ELMO1: variants seen among roughly 807,000 people sequenced by gnomAD.
The protein encoded by ELMO1 is engulfment and cell motility protein 1.
A neutral mutation model predicts 98.9 loss-of-function variants in ELMO1; 26 were observed. The observed-to-expected ratio is 0.26, with a 90% CI of 0.19 to 0.36. ELMO1 has a LOEUF of 0.36. Among genes scored for constraint, ELMO1 ranks in the 10% least tolerant of loss-of-function variants. ELMO1 has a pLI of 1.00. For missense variants in ELMO1, 627 were observed against 935.2 expected, an observed-to-expected ratio of 0.67 and a Z score of 4.30; for synonymous variants, 346 against 346.0, an observed-to-expected ratio of 1.00 and a Z score of 0.00.
rs868531344 is a variant in ELMO1 at position 36,918,431 on chromosome 7, G to T, written c.1438-23414C>A. On this transcript the variant is annotated intron_variant, in intron 16 of 21. Transcript: ENST00000310758. ...GAGTCTCAAGAGAATGAGGTAAGAA[G>T]AGTAGCACTCAGATATGAGTGTAGA... Among the ~76,000 whole-genome samples the T allele has an allele frequency of 2.6e-5, 4 of 152,166 alleles. No homozygotes were observed. In the East Asian group the frequency reaches 7.7e-4, roughly 29 times the overall value.
chr7:37,402,333 A>G (rs778378587), intron 1 of ELMO1, among the ~76,000 whole-genome samples: 2 of 152,210 alleles, frequency 1.3e-5, no homozygotes. Flanking sequence ...CCTGGCCTCT[A>G]TGCAGCTAGA....
chr7:37,324,289 G>A (rs570605632), intron 2 of ELMO1, among the ~76,000 whole-genome samples: 6 of 152,168 alleles, frequency 3.9e-5, no homozygotes, highest in Middle Eastern at 3.4e-3. Context: ...GACTGGCAGC[G>A]CCCCCAGCCA....
chr7:37,105,333 CA>C (rs1784885282), intron 14 of ELMO1, among the ~76,000 whole-genome samples: 1 of 152,174 alleles, frequency 6.6e-6, no homozygotes, highest in Non-Finnish European at 1.5e-5. Context: ...CAGGAGGTAT[CA>C]GGGGCAATCC....
At chr7:37,188,052 A>C (rs917363990) in intron 13 of ELMO1, among the ~76,000 whole-genome samples, 1 of 152,150 alleles carries the variant, frequency 6.6e-6, no homozygotes, top group South Asian at 2.1e-4. Context: ...GTGGGGGTGC[A>C]TTAAAATCTT....
chr7:37,086,636 G>A (rs1044840005), intron 15 of ELMO1, among the ~76,000 whole-genome samples: 4 of 150,960 alleles, frequency 2.6e-5, no homozygotes, highest in African/African-American at 7.3e-5. Flanking sequence ...CCAGGTACTC[G>A]GGAGGCTGAG....
At chr7:37,323,903 T>A (rs1799651412) in intron 2 of ELMO1, among the ~76,000 whole-genome samples, 1 of 152,174 alleles carries the variant, frequency 6.6e-6, no homozygotes, top group African/African-American at 2.4e-5. Context: ...ACTTCTTTCT[T>A]TCTTACTAAA....
At chr7:37,084,593 G>A (rs920501416) in intron 15 of ELMO1, among the ~76,000 whole-genome samples, 4 of 152,152 alleles carry the variant, frequency 2.6e-5, no homozygotes, top group Admixed American at 6.5e-5. Flanking sequence ...CATCACCTCA[G>A]TCTACTTAAC....
At chr7:37,360,945 C>T (rs201864570) in intron 1 of ELMO1, among the ~76,000 whole-genome samples, 1 of 152,064 alleles carries the variant, frequency 6.6e-6, no homozygotes, top group African/African-American at 2.4e-5. Context: ...ATATTCACAA[C>T]ATTTTCAATG....
intron 15 of ELMO1, among the ~76,000 whole-genome samples, chr7:37,034,919 TG>T (rs1795094417): frequency 6.6e-6 from 1 of 152,234 alleles, no homozygotes; most frequent in Non-Finnish European, 1.5e-5. Context: ...GACTGGAAGC[TG>T]GTGTTTATCT....
intron 16 of ELMO1, among the ~76,000 whole-genome samples, chr7:36,900,248 T>C (rs543896434): frequency 1.2e-3 from 184 of 152,336 alleles, no homozygotes; most frequent in African/African-American, 4.1e-3. Flanking sequence ...CCAGCAAGTC[T>C]TGTCATATCA....
At chr7:37,403,549 T>C (rs1410969889) in intron 1 of ELMO1, among the ~76,000 whole-genome samples, 2 of 143,844 alleles carry the variant, frequency 1.4e-5, no homozygotes, top group African/African-American at 5.2e-5. Context: ...TTCTCATTTA[T>C]TTATTTATCT....
intron 4 of ELMO1, among the ~76,000 whole-genome samples, chr7:37,295,577 T>A (rs1240157530): frequency 6.6e-6 from 1 of 152,232 alleles, no homozygotes; most frequent in Non-Finnish European, 1.5e-5. Context: ...AAATTAGCCT[T>A]GCACAATCTT....
chr7:37,170,201 G>T (rs540768863), intron 13 of ELMO1, among the ~76,000 whole-genome samples: 2 of 152,310 alleles, frequency 1.3e-5, no homozygotes, highest in African/African-American at 4.8e-5. Context: ...CACCGCGCCT[G>T]GCGCAGATGC....
chr7:37,336,514 CAA>C (rs772569682), intron 2 of ELMO1, among the ~76,000 whole-genome samples: 14 of 152,086 alleles, frequency 9.2e-5, no homozygotes, highest in Non-Finnish European at 1.8e-4. Flanking sequence ...GACTCTAAGA[CAA>C]AGAGTGTCGA....
At chr7:36,960,304 T>C (rs1024025229) in intron 16 of ELMO1, among the ~76,000 whole-genome samples, 7 of 152,174 alleles carry the variant, frequency 4.6e-5, no homozygotes, top group Admixed American at 2.0e-4. Flanking sequence ...GAGAGGAAAT[T>C]CCCTTTGCTC....
At chr7:37,130,636 G>T (rs1168977732) in intron 14 of ELMO1, among the ~76,000 whole-genome samples, 15 of 152,172 alleles carry the variant, frequency 9.9e-5, no homozygotes, top group Non-Finnish European at 1.5e-5. Flanking sequence ...GTGAGTGGCA[G>T]GCAAGTTGAA....
At chr7:36,866,422 C>G (rs1380894308) in intron 20 of ELMO1, among the ~76,000 whole-genome samples, 1 of 152,168 alleles carries the variant, frequency 6.6e-6, no homozygotes, top group Non-Finnish European at 1.5e-5. Flanking sequence ...ACCCCAGCTA[C>G]CCCATTTAGT....
intron 1 of ELMO1, among the ~76,000 whole-genome samples, chr7:37,366,694 TC>T (rs1272522589): frequency 6.6e-6 from 1 of 152,084 alleles, no homozygotes; most frequent in Non-Finnish European, 1.5e-5. Context: ...CTCTGTAATC[TC>T]CCCCCTGTAG....
At position 36,965,180 on chromosome 7, in the gene ELMO1, G is replaced by A. The variant is rs116736809; in HGVS notation, c.1437+48119C>T. On this transcript the variant is annotated intron_variant, in intron 16 of 21. Coordinates refer to ENST00000310758, the MANE Select transcript of ELMO1 (RefSeq NM_014800.11). ...CCCATGAGTTCTCTCCCTAAGATCCGTTTCTCCCCATTCTTAATGTATTCA... is the reference window on the plus strand; with the variant it reads ...CCCATGAGTTCTCTCCCTAAGATCCATTTCTCCCCATTCTTAATGTATTCA... Among the ~76,000 whole-genome samples the A allele has an allele frequency of 4.1e-3, 623 of 152,144 alleles. 7 individuals are homozygous for A. Among genetic ancestry groups the A allele is most frequent in the African/African-American group, 0.014 (590 of 41,496 alleles).
Sources: gnomAD v4.1 joint callset for allele counts (sites outside exome capture counted in the v4.1 genomes callset) on GRCh38, gnomAD v4.1.1 for gene constraint, MANE v1.5 for transcripts, NCBI Gene and HGNC (gene_info 2026-07-23, HGNC 2026-07-21) for gene names.